Variants in LRP2 observed in about 807,000 individuals in gnomAD.
The protein encoded by LRP2 is LDL receptor related protein 2, also known as low-density lipoprotein receptor-related protein 2.
LRP2 carries 172 observed loss-of-function variants against 531.0 expected under a neutral mutation model. The observed-to-expected ratio is 0.32, with a 90% CI of 0.29 to 0.37. The LOEUF (loss-of-function observed/expected upper bound fraction) is 0.37, where lower values mean the gene tolerates loss of function less well. Among genes scored for constraint, LRP2 ranks in the 10% least tolerant of loss-of-function variants. LRP2 has a pLI of 1.00. For missense variants in LRP2, 5,167 were observed against 5,868.3 expected (o/e 0.88, Z 3.90); for synonymous variants, 1,992 against 2,027.6 (o/e 0.98, Z 0.47).
chr2:169,145,623 C>A (rs573378542), intron 70 of LRP2, 124 bp downstream of exon 70: 2 of 917,514 alleles, frequency 2.2e-6, no homozygotes, highest in Admixed American at 1.8e-5. Context: ...TACACATATA[C>A]CCCTTTCATG....
chr2:169,152,774 AG>A (rs755521653), intron 67 of LRP2, 24 bp downstream of exon 67: 1 of 1,613,530 alleles, frequency 6.2e-7, no homozygotes, highest in Non-Finnish European at 8.5e-7. Context: ...AGAACAGGTA[AG>A]GGGGGAATGT....
chr2:169,212,031 T>C lies in LRP2; in HGVS notation c.6217A>G (p.Ile2073Val), dbSNP rs1413392158. The part of the protein sequence containing the change: ...SFIVVSMLSA[I>V]RGFSLELSDH... ...GACAATTCCAAGCTAAAGCCTCTGA[T>C]TGCAGACAGCATTGAAACAACAATG... The change falls in exon 37 of 79, where the codon ATC (isoleucine) becomes GTC (valine). Residue 2073 changes from isoleucine (I) to valine (V), a missense_variant. Ile to Val is a conservative substitution (Grantham distance 29). Transcript: ENST00000649046. 1.9e-6 allele frequency: 3 copies of C among 1,613,890 alleles called. No individual in the cohort carries two copies. The highest frequency in any genetic ancestry group is 1.7e-5 in the Admixed American group (1 of 59,990).
Position 169,173,076 on chromosome 2 carries a change from TC to T in LRP2, c.11143+19del. On this transcript the variant is annotated intron_variant, in intron 57 of 78. Transcript: ENST00000649046. ...TGCACTTTCTTGTCCCTCCCTCCAC[TC>T]CCCTGTGGCCCCTCCTACCACAGCC... The T allele has an allele frequency of 6.2e-7, 1 of 1,614,048 alleles. No individual in the cohort carries two copies. The highest frequency in any genetic ancestry group is 8.5e-7 in the Non-Finnish European group (1 of 1,179,978).
In LRP2 at chr2:169,256,110, A is replaced by G; in HGVS notation, c.2766T>C (p.Phe922=). ...QMTHPFGLAI[F]GEHLFFTDWR... The stretch of plus-strand genomic sequence containing the variant: ...TTTTATTGCTTTAAAACATACCTCC[A>G]AAGATGGCAAGTCCAAACGGATGTG... Residue 922 remains phenylalanine (F), a synonymous_variant, in exon 19 of 79, where the codon TTT becomes TTC. Transcript: ENST00000649046. 6.2e-7 allele frequency: 1 copy of G among 1,612,882 alleles called. No individual in the cohort carries two copies. Among genetic ancestry groups the G allele is most frequent in the Non-Finnish European group, 8.5e-7 (1 of 1,179,108 alleles).
chr2:169,233,359 G>T (rs1337734137), intron 30 of LRP2, 52 bp downstream of exon 30: 15 of 1,591,198 alleles, frequency 9.4e-6, no homozygotes, highest in African/African-American at 1.3e-5. Flanking sequence ...CATTCCCAGG[G>T]TCAGTGTTTT....
chr2:169,173,308 G>T, intron 56 of LRP2, 84 bp from the exon 57 acceptor site: 1 of 1,539,974 alleles, frequency 6.5e-7, no homozygotes, highest in South Asian at 1.1e-5. Context: ...GTGGTACTGA[G>T]GAATAACAAT....
At chr2:169,281,578 G>A (rs1015178946) in intron 10 of LRP2, among the ~76,000 whole-genome samples, 5 of 151,726 alleles carry the variant, frequency 3.3e-5, no homozygotes, top group African/African-American at 4.8e-5. Flanking sequence ...AATTAGCTGG[G>A]TGTGGTGGCA....
rs1683986922 is a variant in LRP2 at position 169,291,065 on chromosome 2, G to T, written c.770-68C>A. 12 of 1,405,220 alleles carry T rather than the reference G, an allele frequency of 8.5e-6. 1 individual carries two copies. The highest frequency in any genetic ancestry group is 1.8e-4 in the Middle Eastern group (1 of 5,532). The allele number at this position is 1,405,220 out of a possible 1,614,324, so 87.0% of individuals were successfully genotyped here. ...ACAGCCAGCTCTTTGTTAATCAGTG[G>T]TTTACAGAGGATGTAGAGCAAGTTG... is the stretch of plus-strand genomic sequence containing the variant. On this transcript the variant is annotated intron_variant, in intron 7 of 78. Transcript: ENST00000649046.
chr2:169,298,739 A>T (rs2544373), intron 4 of LRP2, among the ~76,000 whole-genome samples: 81,967 of 151,674 alleles, frequency 0.54, 23,287 homozygotes, highest in Middle Eastern at 0.71. Context: ...ATATGATATA[A>T]TCTAGGAATT....
At chr2:169,315,505 C>T (rs1433380880) in intron 3 of LRP2, among the ~76,000 whole-genome samples, 1 of 152,174 alleles carries the variant, frequency 6.6e-6, no homozygotes, top group East Asian at 1.9e-4. Flanking sequence ...ATTCAGCCAG[C>T]TTGCACGGAG....
chr2:169,256,071 A>C, intron 19 of LRP2, 35 bp downstream of exon 19: 1 of 1,608,500 alleles, frequency 6.2e-7, no homozygotes. Flanking sequence ...GCAATGTATA[A>C]AAACAATACA....
At chr2:169,307,489 G>T (rs1382551391) in intron 3 of LRP2, 92 bp from the exon 4 acceptor site, 1 of 805,460 alleles carries the variant, frequency 1.2e-6, no homozygotes, top group South Asian at 1.4e-5. Flanking sequence ...AAAGCATAAA[G>T]TTCATAGGGA....
intron 3 of LRP2, among the ~76,000 whole-genome samples, chr2:169,314,255 T>C (rs1012972186): frequency 6.6e-6 from 1 of 151,820 alleles, no homozygotes; most frequent in Admixed American, 6.6e-5. Context: ...AAAATAAATT[T>C]AGCTGGGCAC....
rs1236567582 is a variant in LRP2 at position 169,226,472 on chromosome 2, C to T, written c.5344G>A (p.Asp1782Asn). The change falls in exon 32 of 79, where the codon GAT becomes AAT. Residue 1782 changes from aspartate (D) to asparagine (N), a missense_variant. Physicochemically the swap from Asp to Asn is conservative, Grantham distance 23. Coordinates refer to ENST00000649046, the MANE Select transcript of LRP2 (RefSeq NM_004525.3). ...VPIAGIQNGL[D>N]VEFDDAEQYI... Reference sequence around the variant, plus strand: ...TGCTCAGCATCATCAAATTCAACATCTAAACCATTCTGTATCCCTGCTATG... The same window carrying T: ...TGCTCAGCATCATCAAATTCAACATTTAAACCATTCTGTATCCCTGCTATG... 3 of 1,613,880 alleles carry T rather than the reference C, an allele frequency of 1.9e-6. No homozygotes were observed. Among genetic ancestry groups the T allele is most frequent in the East Asian group, 2.2e-5 (1 of 44,862 alleles).
chr2:169,132,135 A>G (rs1430391298), intron 77 of LRP2, among the ~76,000 whole-genome samples: 1 of 152,236 alleles, frequency 6.6e-6, no homozygotes, highest in Non-Finnish European at 1.5e-5. Flanking sequence ...CTAGTGGTAA[A>G]GATCTGTAAT....
intron 71 of LRP2, 135 bp from the exon 72 acceptor site, chr2:169,140,680 C>A: frequency 1.5e-6 from 1 of 649,780 alleles, no homozygotes. Flanking sequence ...AGCTTACCTT[C>A]CCCCTAAGTC....
chr2:169,360,179 G>GTA (rs1170080043), intron 1 of LRP2, among the ~76,000 whole-genome samples: 11 of 148,802 alleles, frequency 7.4e-5, no homozygotes, highest in Admixed American at 2.7e-4. Context: ...ACCAGACACT[G>GTA]TATACTGTAG....
intron 14 of LRP2, among the ~76,000 whole-genome samples, chr2:169,274,590 C>G (rs1001089716): frequency 6.6e-6 from 1 of 151,994 alleles, no homozygotes; most frequent in African/African-American, 2.4e-5. Context: ...ACATATGCAA[C>G]AGAGAAGAAG....
chr2:169,143,651 C>CA (rs1685809235), intron 70 of LRP2, among the ~76,000 whole-genome samples: 1 of 152,022 alleles, frequency 6.6e-6, no homozygotes, highest in African/African-American at 2.4e-5. Flanking sequence ...GTCTCAAAAA[C>CA]AAAAAACAAA....
Sources: allele counts gnomAD v4.1 joint callset (sites outside exome capture counted in the v4.1 genomes callset), GRCh38; gene constraint gnomAD v4.1.1; transcripts MANE v1.5; gene names NCBI Gene and HGNC (gene_info 2026-07-23, HGNC 2026-07-21).